The following AP3B1 variants were observed in gnomAD, a reference collection of about 807,000 sequenced individuals.
The protein encoded by AP3B1 is AP-3 complex subunit beta-1.
A neutral mutation model predicts 132.5 loss-of-function variants in AP3B1; 61 were observed. The observed-to-expected ratio is 0.46, with a 90% CI of 0.37 to 0.57. The LOEUF (loss-of-function observed/expected upper bound fraction) is 0.57. Ranked by LOEUF, AP3B1 falls within the 20% of genes least tolerant of loss-of-function variation. The pLI is 0.00. For missense variants in AP3B1, 1,120 were observed against 1,289.4 expected (o/e 0.87, Z 2.01); for synonymous variants, 388 against 438.3 (o/e 0.89, Z 1.43).
intron 7 of AP3B1, among the ~76,000 whole-genome samples, chr5:78,185,550 A>T (rs1744570422): frequency 1.3e-5 from 2 of 152,222 alleles, no homozygotes; most frequent in Admixed American, 1.3e-4. Context: ...TGTAAAATGT[A>T]ATACCTACAG....
intron 7 of AP3B1, among the ~76,000 whole-genome samples, chr5:78,200,142 C>A (rs1027828146): frequency 2.6e-5 from 4 of 151,824 alleles, no homozygotes. Context: ...TACACAAACA[C>A]CTGTGGCACT....
chr5:78,262,440 C>CAT (rs1200592688), intron 2 of AP3B1, among the ~76,000 whole-genome samples: 4 of 152,140 alleles, frequency 2.6e-5, no homozygotes, highest in African/African-American at 4.8e-5. Context: ...CATTTTCTTG[C>CAT]ATATATATAT....
At chr5:78,014,423 A>G (rs960195417) in intron 26 of AP3B1, among the ~76,000 whole-genome samples, 3 of 152,156 alleles carry the variant, frequency 2.0e-5, no homozygotes, top group Non-Finnish European at 2.9e-5. Context: ...TTCCAAACAC[A>G]TAAGGAATGT....
At chr5:78,011,122 A>C (rs1302322722) in intron 26 of AP3B1, among the ~76,000 whole-genome samples, 3 of 147,876 alleles carry the variant, frequency 2.0e-5, no homozygotes, top group African/African-American at 7.5e-5. Context: ...GGCTCACTGC[A>C]ACCTCTCCCT....
intron 1 of AP3B1, among the ~76,000 whole-genome samples, chr5:78,274,618 A>C (rs1367450272): frequency 6.6e-6 from 1 of 152,142 alleles, no homozygotes; most frequent in Non-Finnish European, 1.5e-5. Flanking sequence ...ACAATGAGAA[A>C]AATCTTAAAA....
At chr5:78,133,237 G>A (rs543235251) in intron 15 of AP3B1, among the ~76,000 whole-genome samples, 1 of 152,302 alleles carries the variant, frequency 6.6e-6, no homozygotes, top group Admixed American at 6.5e-5. Flanking sequence ...CACCTGCTTT[G>A]TCAGAGTATA....
At chr5:78,169,718 G>A (rs1231462790) in intron 11 of AP3B1, among the ~76,000 whole-genome samples, 3 of 148,044 alleles carry the variant, frequency 2.0e-5, no homozygotes. Context: ...ATGAGCCACT[G>A]TGCCAAGCCC....
At chr5:78,250,529 C>T (rs1434309111) in intron 2 of AP3B1, among the ~76,000 whole-genome samples, 1 of 151,998 alleles carries the variant, frequency 6.6e-6, no homozygotes, top group African/African-American at 2.4e-5. Context: ...TTAGAGCCTA[C>T]AACAGAACCA....
intron 7 of AP3B1, among the ~76,000 whole-genome samples, chr5:78,202,293 G>A (rs1745324001): frequency 6.6e-6 from 1 of 152,154 alleles, no homozygotes; most frequent in Admixed American, 6.6e-5. Flanking sequence ...TTGGCAGCAT[G>A]AAAATGGACT....
At chr5:78,072,904 T>TA (rs1332291350) in intron 22 of AP3B1, among the ~76,000 whole-genome samples, 2 of 151,804 alleles carry the variant, frequency 1.3e-5, no homozygotes, top group Admixed American at 1.3e-4. Flanking sequence ...GTATTTTTAG[T>TA]AGAGACAGGG....
chr5:78,222,264 G>A (rs114206024), intron 6 of AP3B1: 2,302 of 153,628 alleles, frequency 0.015, 68 homozygotes, highest in African/African-American at 0.053. Context: ...TGAAAGAACC[G>A]GAGGGAGAAG....
At chr5:78,246,183 C>T (rs940291437) in intron 2 of AP3B1, among the ~76,000 whole-genome samples, 1 of 152,318 alleles carries the variant, frequency 6.6e-6, no homozygotes, top group Non-Finnish European at 1.5e-5. Flanking sequence ...GATACCTGTT[C>T]TCTAACTTCA....
intron 20 of AP3B1, 91 bp from the exon 21 acceptor site, chr5:78,101,116 C>G: frequency 1.4e-6 from 1 of 731,052 alleles, no homozygotes; most frequent in Non-Finnish European, 2.3e-6. Flanking sequence ...CTTTTTTTTC[C>G]TCTGCTTAGT....
At chr5:78,082,855 G>A (rs536182544) in intron 22 of AP3B1, among the ~76,000 whole-genome samples, 32 of 151,288 alleles carry the variant, frequency 2.1e-4, no homozygotes, top group African/African-American at 7.8e-4. Context: ...CGCTCTTGTT[G>A]CTCAAGCTGG....
rs1371234142 is a variant in AP3B1 at position 78,141,725 on chromosome 5, A to G, written c.1474-406T>C. ...TCAAAGCCAAAAATATTGACTGTCTAGCAATTTATAGAAATGGTTTGCTGA... is the reference window on the plus strand; with the variant it reads ...TCAAAGCCAAAAATATTGACTGTCTGGCAATTTATAGAAATGGTTTGCTGA... On this transcript the variant is annotated intron_variant, in intron 14 of 26. Coordinates refer to ENST00000255194, the MANE Select transcript of AP3B1 (RefSeq NM_003664.5). Among the ~76,000 whole-genome samples the G allele has an allele frequency of 2.6e-5, 4 of 152,320 alleles. No homozygotes were observed. The East Asian group carries it at 7.7e-4, about 29-fold the overall frequency.
At chr5:78,017,183 G>A (rs1341789827) in intron 25 of AP3B1, among the ~76,000 whole-genome samples, 2 of 152,008 alleles carry the variant, frequency 1.3e-5, no homozygotes. Flanking sequence ...CTCCATTGAA[G>A]TAAAATTAAA....
At chr5:78,140,800 G>C (rs1224810290) in intron 15 of AP3B1, among the ~76,000 whole-genome samples, 1 of 152,122 alleles carries the variant, frequency 6.6e-6, no homozygotes, top group Non-Finnish European at 1.5e-5. Context: ...TTTCTGTACA[G>C]TAAACCACTC....
chr5:78,128,204 T>C (rs1192467408), intron 16 of AP3B1, 44 bp from the exon 17 acceptor site: 4 of 1,479,480 alleles, frequency 2.7e-6, no homozygotes, highest in Admixed American at 3.6e-5. Context: ...ATATGAGCTG[T>C]ATATAACAGA....
chr5:78,259,104 C>T (rs2112549049), intron 2 of AP3B1, among the ~76,000 whole-genome samples: 1 of 152,118 alleles, frequency 6.6e-6, no homozygotes, highest in East Asian at 1.9e-4. Context: ...AAAAATTAGC[C>T]AGGCATGATG....
Sources: gnomAD v4.1 joint callset for allele counts (sites outside exome capture counted in the v4.1 genomes callset) on GRCh38, gnomAD v4.1.1 for gene constraint, MANE v1.5 for transcripts, NCBI Gene and HGNC (gene_info 2026-07-23, HGNC 2026-07-21) for gene names.